Variants in ADGRF4 observed in about 807,000 individuals in gnomAD.
ADGRF4 encodes adhesion G protein-coupled receptor F4.
A neutral mutation model predicts 58.5 loss-of-function variants in ADGRF4; 63 were observed. The ratio of observed to expected loss-of-function variants is 1.08; its 90% CI spans 0.88 to 1.33. The LOEUF (loss-of-function observed/expected upper bound fraction) is 1.33. Ranked by LOEUF, ADGRF4 falls within the 40% of genes most tolerant of loss-of-function variation. The probability of loss-of-function intolerance (pLI) is 0.00; values close to 1 mark genes in which losing one functional copy is unlikely to be tolerated. For synonymous variants in ADGRF4, 313 were observed against 295.4 expected, an observed-to-expected ratio of 1.06 and a Z score of -0.61; for missense variants, 931 against 843.9, an observed-to-expected ratio of 1.10 and a Z score of -1.28.
At position 47,714,033 on chromosome 6, in the gene ADGRF4, A is replaced by G. The variant is rs750966752; in HGVS notation, c.788A>G (p.Asn263Ser). Reference sequence around the variant, plus strand: ...AGCCTCAATTTCTCCATGAGCATGAACAATACCACAGAAGATATCTTAGGA... The same window carrying G: ...AGCCTCAATTTCTCCATGAGCATGAGCAATACCACAGAAGATATCTTAGGA... ...EKSLNFSMSM[N>S]NTTEDILGMV... Residue 263 changes from asparagine to serine, a missense_variant, in exon 6 of 10, where the codon AAC becomes AGC. Coordinates refer to ENST00000283303, the MANE Select transcript of ADGRF4 (RefSeq NM_153838.5). 7.4e-6 allele frequency: 12 copies of G among 1,611,894 alleles called. No individual in the cohort carries two copies. Among genetic ancestry groups the G allele is most frequent in the Non-Finnish European group, 1.0e-5 (12 of 1,179,212 alleles).
chr6:47,707,506 G>A (rs1217911881), intron 2 of ADGRF4, among the ~76,000 whole-genome samples, 168 bp downstream of exon 2: 2 of 152,224 alleles, frequency 1.3e-5, no homozygotes, highest in African/African-American at 4.8e-5. Flanking sequence ...AAGCTGAGAG[G>A]TGGCAGGGAC....
chr6:47,713,451 T>A (rs184688649), intron 5 of ADGRF4, among the ~76,000 whole-genome samples: 1 of 152,166 alleles, frequency 6.6e-6, no homozygotes, highest in Non-Finnish European at 1.5e-5. Context: ...GGGTGTGCAG[T>A]CTTTCTCAAG....
In ADGRF4 at chr6:47,710,905, A is replaced by G; in HGVS notation, c.300+19A>G. On this transcript the variant is annotated intron_variant, in intron 4 of 9. Transcript: ENST00000283303. ...CTTTAAGGTGATGCATTCACAAATT[A>G]TTGGTGACAGAAGCCAATCCCCCAG... 2 of 1,605,916 alleles carry G rather than the reference A, an allele frequency of 1.2e-6. No homozygotes were observed. Among genetic ancestry groups the G allele is most frequent in the Non-Finnish European group, 1.7e-6 (2 of 1,176,534 alleles).
chr6:47,721,721 C>G lies in ADGRF4; in HGVS notation c.*516C>G, dbSNP rs1581702102. The G allele has an allele frequency of 6.6e-6, 1 of 152,086 alleles. No homozygotes were observed. The highest frequency in any genetic ancestry group is 1.9e-4 in the East Asian group (1 of 5,160). The allele number at this position is 152,086 out of a possible 1,614,324, so 9.4% of individuals were successfully genotyped here. ...AGGAAGAATGAGTCTACTTTGGAGA[C>G]AATTAAGTCATGGTACGTTTCCTAA... On this transcript the variant is annotated 3_prime_UTR_variant, in exon 10 of 10. Coordinates refer to ENST00000283303, the MANE Select transcript of ADGRF4 (RefSeq NM_153838.5).
rs530087754 is a variant in ADGRF4, at chr6:47,700,779, G to T, written c.-17+1985G>T. ...TCACCTGACCCTCTGAGATAGAAAA[G>T]TTGCCTCATGATTTTAAAGCAAAAA... On this transcript the variant is annotated intron_variant, in intron 1 of 9. Coordinates refer to ENST00000283303, the MANE Select transcript of ADGRF4 (RefSeq NM_153838.5). Among the ~76,000 whole-genome samples, 5 of 152,286 alleles carry T rather than the reference G, an allele frequency of 3.3e-5. No individual in the cohort carries two copies. The East Asian group carries it at 7.7e-4, about 23-fold the overall frequency.
chr6:47,707,052 C>T (rs567963476), intron 1 of ADGRF4, among the ~76,000 whole-genome samples, 178 bp from the exon 2 acceptor site: 6 of 152,208 alleles, frequency 3.9e-5, no homozygotes, highest in East Asian at 3.9e-4. Flanking sequence ...TATTTTCTTT[C>T]GTACATTTTA....
chr6:47,717,646 G>A (rs997309273), intron 8 of ADGRF4, among the ~76,000 whole-genome samples: 2 of 152,174 alleles, frequency 1.3e-5, no homozygotes, highest in Non-Finnish European at 2.9e-5. Context: ...ATGTGAGAGC[G>A]CTGAAATGAG....
In ADGRF4 at chr6:47,714,559, G is replaced by C; in HGVS notation, c.1314G>C (p.Met438Ile). 1.2e-6 allele frequency: 2 copies of C among 1,614,098 alleles called. No individual in the cohort carries two copies. Among genetic ancestry groups the C allele is most frequent in the Non-Finnish European group, 8.5e-7 (1 of 1,180,002 alleles). ...TGGTTGTGACGGAGATATCATACAT[G>C]CGTCACGTGTGCATCGTGAATATAG... Reference protein sequence around the residue: ...SRVVVTEISYMRHVCIVNIAV... With the variant: ...SRVVVTEISYIRHVCIVNIAV... The change falls in exon 6 of 10, where the codon ATG (methionine) becomes ATC (isoleucine). Residue 438 changes from methionine to isoleucine, a missense_variant. By Grantham distance (10) the Met-to-Ile change is conservative. Transcript: ENST00000283303.
intron 5 of ADGRF4, among the ~76,000 whole-genome samples, chr6:47,713,172 C>A (rs1210238568): frequency 6.6e-6 from 1 of 152,192 alleles, no homozygotes; most frequent in African/African-American, 2.4e-5. Flanking sequence ...ACCATCCCTA[C>A]CTCTGCCACC....
chr6:47,714,113 G>A lies in ADGRF4; in HGVS notation c.868G>A (p.Ala290Thr). The A allele has an allele frequency of 1.2e-6, 2 of 1,614,028 alleles. No individual in the cohort carries two copies. The highest frequency in any genetic ancestry group is 1.7e-5 in the Admixed American group (1 of 60,014). ...LRKLWPNASQ[A>T]ISIAFPTLGA... Reference sequence around the variant, plus strand: ...GAAGCTGTGGCCAAATGCATCCCAAGCCATTAGCATAGCTTTCCCAACCTT... The same window carrying A: ...GAAGCTGTGGCCAAATGCATCCCAAACCATTAGCATAGCTTTCCCAACCTT... Residue 290 changes from alanine (A) to threonine (T), a missense_variant, in exon 6 of 10, where the codon GCC becomes ACC. Ala to Thr is a moderately conservative substitution (Grantham distance 58). Coordinates refer to ENST00000283303, the MANE Select transcript of ADGRF4 (RefSeq NM_153838.5).
rs373367383 is a variant in ADGRF4 at position 47,716,331 on chromosome 6, GT to G, written c.1933-465del. Among the ~76,000 whole-genome samples the G allele has an allele frequency of 4.8e-3, 711 of 148,812 alleles. 3 individuals are homozygous for G. Among genetic ancestry groups the G allele is most frequent in the African/African-American group, 0.014 (580 of 40,606 alleles). ...CATTCTCTTTCTTTTATGTAGAAAT[GT>G]TTTTTTTTTCCACCAGCTTAGAGGC... On this transcript the variant is annotated intron_variant, in intron 6 of 9. Coordinates refer to ENST00000283303, the MANE Select transcript of ADGRF4 (RefSeq NM_153838.5).
chr6:47,707,063 G>T (rs1287256925), intron 1 of ADGRF4, among the ~76,000 whole-genome samples, 167 bp from the exon 2 acceptor site: 3 of 152,098 alleles, frequency 2.0e-5, no homozygotes, highest in African/African-American at 7.2e-5. Context: ...GTACATTTTA[G>T]CTGGCTTGAA....
chr6:47,715,353 G>T (rs1771990473), intron 6 of ADGRF4, 176 bp downstream of exon 6: 1 of 549,562 alleles, frequency 1.8e-6, no homozygotes, highest in Non-Finnish European at 3.2e-6. Context: ...GCTGACCAGG[G>T]TGGTTGGGTG....
chr6:47,717,718 C>G (rs1470838239), intron 8 of ADGRF4, among the ~76,000 whole-genome samples: 1 of 152,180 alleles, frequency 6.6e-6, no homozygotes, highest in Non-Finnish European at 1.5e-5. Flanking sequence ...GAAATCAAAG[C>G]CCAGAATACT....
intron 9 of ADGRF4, among the ~76,000 whole-genome samples, chr6:47,720,306 C>T (rs945903934): frequency 6.6e-6 from 1 of 152,074 alleles, no homozygotes; most frequent in Admixed American, 6.5e-5. Flanking sequence ...CAGGGCTGAA[C>T]CACGAGGGAA....
intron 1 of ADGRF4, among the ~76,000 whole-genome samples, chr6:47,704,268 T>G (rs993733980): frequency 6.6e-6 from 1 of 152,098 alleles, no homozygotes; most frequent in Non-Finnish European, 1.5e-5. Context: ...GGTCTCGAAC[T>G]CCTGACCTCA....
Position 47,721,914 on chromosome 6 carries a change from T to G in ADGRF4, c.*709T>G, listed in dbSNP as rs1772173174. On this transcript the variant is annotated 3_prime_UTR_variant, in exon 10 of 10. Transcript: ENST00000283303. ...TTACTGTTTGTGTGTTTGAGTTTAC[T>G]GCACATGTTTGTGTTTGTGTATATG... The G allele has an allele frequency of 2.6e-5, 4 of 152,228 alleles. No homozygotes were observed. 9.4% of individuals were successfully genotyped at this position (152,228 alleles called of 1,614,324 possible).
chr6:47,718,030 C>T (rs1772067667), intron 8 of ADGRF4, among the ~76,000 whole-genome samples: 1 of 152,196 alleles, frequency 6.6e-6, no homozygotes, highest in South Asian at 2.1e-4. Flanking sequence ...ACATTGATAA[C>T]TACCATTTAT....
rs368137479 is a variant in ADGRF4 at position 47,714,609 on chromosome 6, T to C, written c.1364T>C (p.Val455Ala). ...NIAVSLLTAN[V>A]WFIIGSHFNI... ...GCAGTGTCCCTTCTGACTGCCAATG[T>C]GTGGTTTATCATAGGCTCTCACTTT... is the stretch of plus-strand genomic sequence containing the variant. The change falls in exon 6 of 10, where the codon GTG becomes GCG. Residue 455 changes from valine to alanine, a missense_variant. By Grantham distance (64) the Val-to-Ala change is moderately conservative. Transcript: ENST00000283303. The C allele has an allele frequency of 1.2e-5, 19 of 1,613,986 alleles. No individual in the cohort carries two copies. Among genetic ancestry groups the C allele is most frequent in the Non-Finnish European group, 1.6e-5 (19 of 1,179,966 alleles).
Sources: allele counts gnomAD v4.1 joint callset (sites outside exome capture counted in the v4.1 genomes callset), GRCh38; gene constraint gnomAD v4.1.1; transcripts MANE v1.5; gene names NCBI Gene and HGNC (gene_info 2026-07-23, HGNC 2026-07-21).